Variants in PPP6R2 observed in about 807,000 individuals in gnomAD.
PPP6R2 encodes protein phosphatase 6 regulatory subunit 2, also known as serine/threonine-protein phosphatase 6 regulatory subunit 2.
A neutral mutation model predicts 100.2 loss-of-function variants in PPP6R2; 62 were observed. The ratio of observed to expected loss-of-function variants is 0.62; its 90% confidence interval spans 0.50 to 0.76. The LOEUF is 0.76. Among genes scored for constraint, PPP6R2 ranks in the 30% least tolerant of loss-of-function variants. The pLI, the probability that PPP6R2 is intolerant of heterozygous loss-of-function variation, is 0.00. For synonymous variants in PPP6R2, 525 were observed against 514.7 expected (o/e 1.02, Z -0.27); for missense variants, 1,142 against 1,276.3 (o/e 0.89, Z 1.60).
At chr22:50,340,050 G>C (rs956652883), upstream of PPP6R2, among the ~76,000 whole-genome samples, 1 of 139,356 alleles carries the variant, frequency 7.2e-6, no homozygotes, top group Non-Finnish European at 1.6e-5. Flanking sequence ...TGTGTTTAGG[G>C]TGTGGTGTGT....
At chr22:50,386,348 C>G (rs1449621137) in intron 2 of PPP6R2, among the ~76,000 whole-genome samples, 1 of 151,916 alleles carries the variant, frequency 6.6e-6, no homozygotes, top group African/African-American at 2.4e-5. Context: ...GCCATGTTGG[C>G]CAGGCTGGTC....
intron 2 of PPP6R2, chr22:50,393,334 G>A (rs1185625897): frequency 5.2e-6 from 5 of 955,978 alleles, no homozygotes; most frequent in Non-Finnish European, 6.2e-6. Context: ...TGAGCGCAGG[G>A]TCAGGCAGCA....
intron 2 of PPP6R2, among the ~76,000 whole-genome samples, chr22:50,372,431 C>T (rs2050419958): frequency 6.6e-6 from 1 of 151,944 alleles, no homozygotes; most frequent in Non-Finnish European, 1.5e-5. Flanking sequence ...TACCTGTAAT[C>T]CCAGCTACTC....
intron 1 of PPP6R2, among the ~76,000 whole-genome samples, chr22:50,363,224 G>C (rs1251268131): frequency 6.6e-6 from 1 of 152,178 alleles, no homozygotes; most frequent in Non-Finnish European, 1.5e-5. Flanking sequence ...TTGTGCTGCA[G>C]CCTTCACTCT....
chr22:50,442,390 G>A (rs150101217), intron 22 of PPP6R2, among the ~76,000 whole-genome samples: 90 of 152,364 alleles, frequency 5.9e-4, no homozygotes, highest in African/African-American at 2.1e-3. Context: ...CCTGTCTTCA[G>A]GGCATCTGCA....
intron 6 of PPP6R2, among the ~76,000 whole-genome samples, chr22:50,416,365 G>A (rs1203678909): frequency 2.7e-5 from 4 of 148,896 alleles, no homozygotes; most frequent in South Asian, 2.1e-4. Flanking sequence ...TTTCGCTCTT[G>A]TTGCCTGGGC....
chr22:50,361,886 A>G (rs749050723), intron 1 of PPP6R2, among the ~76,000 whole-genome samples: 8 of 152,078 alleles, frequency 5.3e-5, no homozygotes, highest in Non-Finnish European at 8.8e-5. Flanking sequence ...CCTTGGAGGC[A>G]TCTGGTATTA....
chr22:50,432,937 C>A (rs1336657952), intron 12 of PPP6R2, among the ~76,000 whole-genome samples: 3 of 151,056 alleles, frequency 2.0e-5, no homozygotes, highest in Non-Finnish European at 4.4e-5. Context: ...GGGTGCTGAG[C>A]CTGAGCTTGG....
chr22:50,412,458 C>T (rs1185051506), intron 4 of PPP6R2, among the ~76,000 whole-genome samples: 3 of 151,890 alleles, frequency 2.0e-5, no homozygotes, highest in East Asian at 1.9e-4. Context: ...GCCAGGATTA[C>T]AGGCATGAGC....
At chr22:50,354,835 A>T (rs1220698979) in intron 1 of PPP6R2, among the ~76,000 whole-genome samples, 1 of 150,638 alleles carries the variant, frequency 6.6e-6, no homozygotes. Context: ...GTTGTGATCA[A>T]TTAGTTGTAA....
chr22:50,380,119 A>G (rs964540502), intron 2 of PPP6R2, among the ~76,000 whole-genome samples: 3 of 152,186 alleles, frequency 2.0e-5, no homozygotes, highest in Admixed American at 2.0e-4. Flanking sequence ...TAAGAGTTTC[A>G]GGCTGCTTCC....
chr22:50,404,811 T>TCAGGACAGGCCTGGTG (rs1326338383), intron 3 of PPP6R2, among the ~76,000 whole-genome samples: 1 of 152,036 alleles, frequency 6.6e-6, no homozygotes, highest in East Asian at 1.9e-4. Context: ...GACAGGCCTG[T>TCAGGACAGGCCTGGTG]TCTGAGACAG....
intron 9 of PPP6R2, among the ~76,000 whole-genome samples, chr22:50,422,733 G>T (rs193249908): frequency 6.6e-6 from 1 of 152,124 alleles, no homozygotes; most frequent in Non-Finnish European, 1.5e-5. Context: ...AGCATGTTGA[G>T]GGGGGTGAGG....
At chr22:50,339,014 GGTGTGTGTGTGTGGT>G (rs1569218603), upstream of PPP6R2, among the ~76,000 whole-genome samples, 9 of 131,928 alleles carry the variant, frequency 6.8e-5, no homozygotes, top group African/African-American at 2.1e-4. Context: ...TGTGGTGTGT[GGTGTGTGTGTGTGGT>G]GTGTGTGTGT....
chr22:50,390,018 G>A (rs1231694590), intron 2 of PPP6R2, among the ~76,000 whole-genome samples: 5 of 143,822 alleles, frequency 3.5e-5, no homozygotes, highest in African/African-American at 1.3e-4. Context: ...TTGAGATGGA[G>A]TCTCTCACTG....
At chr22:50,339,874 GTGT>G (rs2042351752), upstream of PPP6R2, among the ~76,000 whole-genome samples, 2 of 116,374 alleles carry the variant, frequency 1.7e-5, no homozygotes, top group Non-Finnish European at 3.6e-5. Flanking sequence ...TGTGTGTGTG[GTGT>G]GGTGTGTGTG....
intron 2 of PPP6R2, among the ~76,000 whole-genome samples, chr22:50,381,837 G>A (rs2053115412): frequency 1.3e-5 from 2 of 152,068 alleles, no homozygotes; most frequent in Admixed American, 1.3e-4. Context: ...GAACCCGGGA[G>A]GCGGAGCTTG....
intron 1 of PPP6R2, among the ~76,000 whole-genome samples, chr22:50,352,572 A>G (rs895365973): frequency 6.6e-6 from 1 of 151,842 alleles, no homozygotes; most frequent in African/African-American, 2.4e-5. Flanking sequence ...TAAAAATACA[A>G]AAATTTGCTG....
At chr22:50,375,242 C>G (rs2051221511) in intron 2 of PPP6R2, among the ~76,000 whole-genome samples, 1 of 152,074 alleles carries the variant, frequency 6.6e-6, no homozygotes, top group Non-Finnish European at 1.5e-5. Flanking sequence ...CCACCCTCCA[C>G]CCCAGAAAAA....
Sources: gnomAD v4.1 joint callset for allele counts (sites outside exome capture counted in the v4.1 genomes callset) on GRCh38, gnomAD v4.1.1 for gene constraint, MANE v1.5 for transcripts, NCBI Gene and HGNC (gene_info 2026-07-23, HGNC 2026-07-21) for gene names.